ITPA: variants seen among roughly 807,000 people sequenced by gnomAD.
ITPA encodes inosine triphosphate pyrophosphatase.
Under a neutral mutation model 29.6 loss-of-function variants are expected in ITPA, and 29 were observed. The observed-to-expected ratio is 0.98, with a 90% CI of 0.73 to 1.34. ITPA has a LOEUF of 1.34. Among genes scored for constraint, ITPA ranks in the 40% most tolerant of loss-of-function variants. The pLI is 0.00. For missense variants in ITPA, 241 were observed against 251.5 expected (o/e 0.96, Z 0.28); for synonymous variants, 103 against 99.3 (o/e 1.04, Z -0.22).
intron 6 of ITPA, 101 bp downstream of exon 6, chr20:3,218,733 C>T (rs1456895433): frequency 3.6e-5 from 29 of 805,840 alleles, no homozygotes; most frequent in Admixed American, 3.2e-4. Context: ...GGGAGGGGCG[C>T]CTTGGGGCCA....
At chr20:3,205,326 T>A (rs2067063267), upstream of ITPA, among the ~76,000 whole-genome samples, 1 of 151,934 alleles carries the variant, frequency 6.6e-6, no homozygotes. Flanking sequence ...ATTTCTTTCT[T>A]TCTTTCTTTC....
chr20:3,221,404 T>G (rs993523501), intron 6 of ITPA, among the ~76,000 whole-genome samples: 5 of 152,216 alleles, frequency 3.3e-5, no homozygotes, highest in African/African-American at 1.2e-4. Context: ...TGTTAAAGTC[T>G]TCCTTGTATT....
Position 3,209,601 on chromosome 20 carries a change from C to T in ITPA, c.50C>T (p.Ala17Val), listed in dbSNP as rs779078806. ...GKKIVFVTGN[A>V]KKLEEVVQIL... is the part of the protein sequence containing the mutation. ...AAGATCGTGTTTGTAACGGGGAACG[C>T]CAAGAAGCTGGAGGAGGTGCCGGGA... Residue 17 changes from alanine to valine, a missense_variant, in exon 1 of 8, where the codon GCC (alanine) becomes GTC (valine). Ala to Val is a moderately conservative substitution (Grantham distance 64, BLOSUM62 0). Transcript: ENST00000380113. The surrounding 1 kb of genome is among the most constrained non-coding windows in gnomAD (Gnocchi z 4.6). 2 of 1,614,064 alleles carry T rather than the reference C, an allele frequency of 1.2e-6. No homozygotes were observed. Among genetic ancestry groups the T allele is most frequent in the South Asian group, 1.1e-5 (1 of 91,074 alleles).
At chr20:3,211,564 C>T (rs1317151414) in intron 1 of ITPA, among the ~76,000 whole-genome samples, 3 of 152,124 alleles carry the variant, frequency 2.0e-5, no homozygotes, top group South Asian at 2.1e-4. Context: ...ACGATCTCAG[C>T]TCACTGCAAC....
intron 1 of ITPA, among the ~76,000 whole-genome samples, chr20:3,210,717 G>T (rs995749593): frequency 2.0e-5 from 3 of 152,124 alleles, no homozygotes; most frequent in Non-Finnish European, 2.9e-5. Context: ...GTGGGCATGA[G>T]ACCCCAAACC....
upstream of ITPA, chr20:3,209,098 T>C (rs559986593): frequency 1.9e-5 from 5 of 262,798 alleles, no homozygotes; most frequent in African/African-American, 4.6e-5. The surrounding 1 kb of genome is among the most constrained non-coding windows in gnomAD (Gnocchi z 4.6). Context: ...GGATCATAGC[T>C]GGCGGGTAAG....
downstream of ITPA, among the ~76,000 whole-genome samples, chr20:3,224,362 T>C (rs4297961): frequency 0.62 from 94,174 of 152,180 alleles, 29,786 homozygotes; most frequent in African/African-American, 0.73. Context: ...AAGGGACCTC[T>C]CCAGGTGGCT....
intron 7 of ITPA, among the ~76,000 whole-genome samples, chr20:3,222,584 G>A (rs886685470): frequency 3.3e-5 from 5 of 152,174 alleles, no homozygotes; most frequent in Non-Finnish European, 7.3e-5. Flanking sequence ...TGCAGCCTCT[G>A]GTGGGCACTA....
chr20:3,209,363 A>T, upstream of ITPA: 1 of 677,098 alleles, frequency 1.5e-6, no homozygotes. This position sits in a 1 kb window ranked among gnomAD's most constrained non-coding sequence, Gnocchi z 4.6. Flanking sequence ...GCCCCCAGCA[A>T]ATCGGACGCT....
upstream of ITPA, chr20:3,204,599 G>C (rs894021368): frequency 6.3e-7 from 1 of 1,590,002 alleles, no homozygotes; most frequent in Non-Finnish European, 8.5e-7. Context: ...CAGAGCCGCC[G>C]CTACCAAGTA....
intron 7 of ITPA, 129 bp from the exon 8 acceptor site, chr20:3,223,237 C>T: frequency 1.4e-6 from 1 of 723,154 alleles, no homozygotes; most frequent in South Asian, 1.5e-5. Context: ...CCAGGAGCTG[C>T]TGGGCCCCAC....
chr20:3,204,547 C>T (rs1350565862), upstream of ITPA: 3 of 1,566,864 alleles, frequency 1.9e-6, no homozygotes, highest in Admixed American at 3.7e-5. Context: ...CTGATGCCGC[C>T]CGGCCCCGGC....
chr20:3,214,619 G>A (rs1053459733), intron 4 of ITPA, among the ~76,000 whole-genome samples: 2 of 150,740 alleles, frequency 1.3e-5, no homozygotes, highest in Admixed American at 6.6e-5. Flanking sequence ...TCGCTCTGTC[G>A]CCCAGGCTGG....
rs769920670 is a variant in ITPA, at chr20:3,213,368, G to A, written c.174G>A (p.Gln58=). 8 of 1,613,972 alleles carry A rather than the reference G, an allele frequency of 5.0e-6. No individual in the cohort carries two copies. Among genetic ancestry groups the A allele is most frequent in the Admixed American group, 1.7e-5 (1 of 60,002 alleles). The change falls in exon 3 of 8, where the codon CAG becomes CAA. Residue 58 remains glutamine (Q), a synonymous_variant. Coordinates refer to ENST00000380113, the MANE Select transcript of ITPA (RefSeq NM_033453.4). ...EPDEISIQKC[Q]EAVRQVQGPV... is the part of the protein sequence containing the mutation. ...ATGAGATTTCCATACAGAAATGTCA[G>A]GAGGCAGTTCGCCAGGTGCTTGCCC...
downstream of ITPA, among the ~76,000 whole-genome samples, chr20:3,225,465 A>C (rs1321441431): frequency 6.6e-6 from 1 of 152,214 alleles, no homozygotes; most frequent in East Asian, 1.9e-4. Flanking sequence ...ATGCCTGCAT[A>C]ATGAGACCTC....
Position 3,209,565 on chromosome 20 carries a change from T to C in ITPA, c.14T>C (p.Leu5Ser), listed in dbSNP as rs2067123534. The change falls in exon 1 of 8, where the codon TTG (leucine) becomes TCG (serine). Residue 5 changes from leucine (L) to serine (S), a missense_variant. Coordinates refer to ENST00000380113, the MANE Select transcript of ITPA (RefSeq NM_033453.4). This position sits in a 1 kb window ranked among gnomAD's most constrained non-coding sequence, Gnocchi z 4.6. Reference protein sequence around the residue: MAASLVGKKIVFVTG... With the variant: MAASSVGKKIVFVTG... The stretch of plus-strand genomic sequence containing the variant: ...CCGGGGATCACCATGGCGGCCTCAT[T>C]GGTGGGGAAGAAGATCGTGTTTGTA... The C allele has an allele frequency of 1.2e-6, 2 of 1,613,678 alleles. No individual in the cohort carries two copies. The highest frequency in any genetic ancestry group is 1.1e-5 in the South Asian group (1 of 91,058).
chr20:3,226,387 C>T (rs895544258), downstream of ITPA, among the ~76,000 whole-genome samples: 3 of 152,206 alleles, frequency 2.0e-5, no homozygotes, highest in Non-Finnish European at 4.4e-5. This position sits in a 1 kb window ranked among gnomAD's most constrained non-coding sequence, Gnocchi z 4.4. Flanking sequence ...GGTTTCTCCA[C>T]ACTCGCTACC....
At chr20:3,225,468 G>C (rs1243102742), downstream of ITPA, among the ~76,000 whole-genome samples, 3 of 152,146 alleles carry the variant, frequency 2.0e-5, no homozygotes. Context: ...CCTGCATAAT[G>C]AGACCTCCAT....
intron 5 of ITPA, among the ~76,000 whole-genome samples, chr20:3,216,155 A>G (rs1403093599): frequency 8.4e-6 from 1 of 118,580 alleles, no homozygotes; most frequent in African/African-American, 3.8e-5. Flanking sequence ...CACGCTGGCT[A>G]AGTTTTTTTT....
Sources: allele counts gnomAD v4.1 joint callset (sites outside exome capture counted in the v4.1 genomes callset), GRCh38; gene constraint gnomAD v4.1.1; non-coding constraint Gnocchi (gnomAD v3.1); transcripts MANE v1.5; gene names NCBI Gene and HGNC (gene_info 2026-07-23, HGNC 2026-07-21).